Variants in ELMO1 observed in about 807,000 individuals in gnomAD.
ELMO1 encodes the protein engulfment and cell motility 1.
In ELMO1, 26 loss-of-function variants were observed where a neutral mutation model predicts 98.9. That is an observed-to-expected ratio of 0.26 (90% confidence interval 0.19 to 0.36). The LOEUF (loss-of-function observed/expected upper bound fraction) is 0.36, where lower values mean the gene tolerates loss of function less well. ELMO1 is among the 10% of genes least tolerant of loss of function. The pLI, the probability that ELMO1 is intolerant of heterozygous loss-of-function variation, is 1.00. For missense variants in ELMO1, 627 were observed against 935.2 expected, an observed-to-expected ratio of 0.67 and a Z score of 4.30; for synonymous variants, 346 against 346.0, an observed-to-expected ratio of 1.00 and a Z score of 0.00.
chr7:37,316,150 A>G (rs1246644038), intron 2 of ELMO1, among the ~76,000 whole-genome samples, 190 bp from the exon 3 acceptor site: 1 of 152,204 alleles, frequency 6.6e-6, no homozygotes, highest in African/African-American at 2.4e-5. Flanking sequence ...AAATTTATTA[A>G]TGATTTATTA....
At position 36,855,845 on chromosome 7, in the gene ELMO1, T is replaced by C. The variant is rs143623698; in HGVS notation, c.1984-94A>G. 3 of 1,430,590 alleles carry C rather than the reference T, an allele frequency of 2.1e-6. No homozygotes were observed. The highest frequency in any genetic ancestry group is 2.9e-6 in the Non-Finnish European group (3 of 1,025,990). The allele number at this position is 1,430,590 out of a possible 1,614,324, so 88.6% of individuals were successfully genotyped here. A position where few individuals can be genotyped will look rare whatever the true frequency, so the allele number is the denominator to read the frequency against. On this transcript the variant is annotated intron_variant, in intron 21 of 21. Transcript: ENST00000310758. This position sits in a 1 kb window ranked among gnomAD's most constrained non-coding sequence, Gnocchi z 4.2. ...CTAACAGTGAATACTCATCCCTCAG[T>C]AGGCTGTGCGCTAAGGGCTCTGCCT... is the stretch of plus-strand genomic sequence containing the variant.
intron 4 of ELMO1, among the ~76,000 whole-genome samples, chr7:37,296,175 T>A (rs1209481043): frequency 6.6e-6 from 1 of 152,242 alleles, no homozygotes; most frequent in Non-Finnish European, 1.5e-5. Context: ...GTCAGTCAGC[T>A]GGGTCCTCAT....
intron 15 of ELMO1, among the ~76,000 whole-genome samples, chr7:37,019,914 C>A (rs1794169018): frequency 6.6e-6 from 1 of 152,148 alleles, no homozygotes; most frequent in Non-Finnish European, 1.5e-5. Context: ...GCAGCTATAA[C>A]CTGAACATAC....
At chr7:36,956,065 G>C (rs568111721) in intron 16 of ELMO1, among the ~76,000 whole-genome samples, 1 of 152,252 alleles carries the variant, frequency 6.6e-6, no homozygotes, top group African/African-American at 2.4e-5. Context: ...ATGCAAAGTA[G>C]GTGTCCACCT....
At chr7:36,943,070 AC>A (rs545362889) in intron 16 of ELMO1, among the ~76,000 whole-genome samples, 32 of 152,280 alleles carry the variant, frequency 2.1e-4, no homozygotes, top group African/African-American at 7.7e-4. Context: ...CCTGGGTCCT[AC>A]CTCAGAGGTG....
chr7:37,244,174 GA>G (rs1192290866), intron 7 of ELMO1, among the ~76,000 whole-genome samples, 181 bp downstream of exon 7: 8 of 151,980 alleles, frequency 5.3e-5, no homozygotes, highest in Admixed American at 4.6e-4. Flanking sequence ...AAAAAGGGGG[GA>G]AAATACATTT....
chr7:36,934,399 G>C (rs560167708), intron 16 of ELMO1, among the ~76,000 whole-genome samples: 2 of 152,190 alleles, frequency 1.3e-5, no homozygotes, highest in African/African-American at 2.4e-5. Flanking sequence ...GCTGGGCTTC[G>C]CAGCATCCAC....
chr7:37,131,052 A>G (rs1402285770), intron 14 of ELMO1, among the ~76,000 whole-genome samples: 1 of 152,168 alleles, frequency 6.6e-6, no homozygotes, highest in Non-Finnish European at 1.5e-5. Flanking sequence ...CACTACCTAC[A>G]GCACTACTGC....
chr7:37,263,338 A>G (rs1242817746), intron 5 of ELMO1, among the ~76,000 whole-genome samples: 1 of 151,940 alleles, frequency 6.6e-6, no homozygotes, highest in African/African-American at 2.4e-5. Flanking sequence ...TTCCTTCAAA[A>G]TCCTCAGCAT....
At chr7:37,249,054 T>C (rs1795176127) in intron 6 of ELMO1, among the ~76,000 whole-genome samples, 2 of 152,250 alleles carry the variant, frequency 1.3e-5, no homozygotes, top group African/African-American at 4.8e-5. Context: ...CTCAGTAACG[T>C]ACATTTCGCT....
At chr7:37,147,335 G>T (rs1273622734) in intron 13 of ELMO1, among the ~76,000 whole-genome samples, 1 of 152,030 alleles carries the variant, frequency 6.6e-6, no homozygotes, top group Non-Finnish European at 1.5e-5. Flanking sequence ...TCTTTGCCTG[G>T]CCTCCTTAAC....
At chr7:37,267,443 C>CGA (rs1796322744) in intron 5 of ELMO1, among the ~76,000 whole-genome samples, 1 of 152,208 alleles carries the variant, frequency 6.6e-6, no homozygotes, top group Non-Finnish European at 1.5e-5. Flanking sequence ...TGCTTGGGCG[C>CGA]GCGCACGCGT....
chr7:37,161,905 A>AATATATAT (rs6150082), intron 13 of ELMO1, among the ~76,000 whole-genome samples: 1,801 of 42,352 alleles, frequency 0.043, 224 homozygotes, highest in African/African-American at 0.071. Flanking sequence ...CAGGTAATCA[A>AATATATAT]ATATATATAT....
intron 16 of ELMO1, among the ~76,000 whole-genome samples, chr7:36,988,982 C>T (rs1242931968): frequency 1.3e-5 from 2 of 152,196 alleles, no homozygotes; most frequent in Non-Finnish European, 2.9e-5. Flanking sequence ...GAATACAAAC[C>T]TGATTGAAAC....
chr7:37,211,312 G>C (rs774190419), intron 13 of ELMO1, 74 bp downstream of exon 13: 1 of 1,605,130 alleles, frequency 6.2e-7, no homozygotes, highest in African/African-American at 1.3e-5. Flanking sequence ...GCTCGGAAGA[G>C]ACATCAGTTA....
chr7:37,417,977 A>C (rs946570144), intron 1 of ELMO1, among the ~76,000 whole-genome samples: 3 of 152,180 alleles, frequency 2.0e-5, no homozygotes, highest in African/African-American at 7.2e-5. Context: ...AGGGGCAAGG[A>C]AAGACCCTCC....
At chr7:37,067,223 A>C (rs1311327775) in intron 15 of ELMO1, among the ~76,000 whole-genome samples, 1 of 152,220 alleles carries the variant, frequency 6.6e-6, no homozygotes, top group Non-Finnish European at 1.5e-5. Flanking sequence ...ATCTACAGAC[A>C]TGATGCTTTG....
chr7:37,308,002 A>G (rs1011750434), intron 4 of ELMO1, among the ~76,000 whole-genome samples: 1 of 152,212 alleles, frequency 6.6e-6, no homozygotes, highest in Non-Finnish European at 1.5e-5. Flanking sequence ...AATCCCAGCT[A>G]CTTGGCAGGA....
intron 15 of ELMO1, among the ~76,000 whole-genome samples, chr7:37,041,949 T>C (rs1387760959): frequency 6.6e-6 from 1 of 152,136 alleles, no homozygotes; most frequent in African/African-American, 2.4e-5. Context: ...TCACGATATA[T>C]GTAATTGTTT....
Sources: allele counts gnomAD v4.1 joint callset (sites outside exome capture counted in the v4.1 genomes callset), GRCh38; gene constraint gnomAD v4.1.1; non-coding constraint Gnocchi (gnomAD v3.1); transcripts MANE v1.5; gene names NCBI Gene and HGNC (gene_info 2026-07-23, HGNC 2026-07-21).